Variants in PRKCB observed in about 807,000 individuals in gnomAD.
PRKCB encodes the protein protein kinase C beta type.
Under a neutral mutation model 81.5 loss-of-function variants are expected in PRKCB, and 13 were observed. That is an observed-to-expected ratio of 0.16 (90% CI 0.10 to 0.25). The LOEUF is 0.25. Ranked by LOEUF, PRKCB falls within the 10% of genes least tolerant of loss-of-function variation. The probability of loss-of-function intolerance (pLI) is 1.00; values close to 1 mark genes in which losing one functional copy is unlikely to be tolerated. For missense variants in PRKCB, 509 were observed against 875.7 expected (o/e 0.58, Z 5.29); for synonymous variants, 335 against 321.4 (o/e 1.04, Z -0.45).
rs528323686 is a variant in PRKCB at position 23,914,571 on chromosome 16, A to T, written c.206-73937A>T. ...CCCCTTGGTTGGGTGATCTTGGGCAAATTAATTAATGTCTCTATGCCTCAT... is the reference window on the plus strand; with the variant it reads ...CCCCTTGGTTGGGTGATCTTGGGCATATTAATTAATGTCTCTATGCCTCAT... On this transcript the variant is annotated intron_variant, in intron 2 of 16. Coordinates refer to ENST00000643927, the MANE Select transcript of PRKCB (RefSeq NM_002738.7). Among the ~76,000 whole-genome samples the T allele has an allele frequency of 5.9e-5, 9 of 152,230 alleles. No homozygotes were observed. In the South Asian group the frequency reaches 1.9e-3, roughly 32 times the overall value.
chr16:24,219,195 C>T lies in PRKCB; in HGVS notation c.*4379C>T. 1 of 985,186 alleles carries T rather than the reference C, an allele frequency of 1.0e-6. No homozygotes were observed. Among genetic ancestry groups the T allele is most frequent in the Non-Finnish European group, 1.2e-6 (1 of 829,910 alleles). The allele number at this position is 985,186 out of a possible 1,614,324, so 61.0% of individuals were successfully genotyped here. A position where few individuals can be genotyped will look rare whatever the true frequency, so the allele number is the denominator to read the frequency against. On this transcript the variant is annotated 3_prime_UTR_variant, in exon 17 of 17. Coordinates refer to ENST00000643927, the MANE Select transcript of PRKCB (RefSeq NM_002738.7). ...ATTTCTTCTCCACCTCCCTACTGAACAAAAAAAGAAATGCCAGACTTACTA... is the reference window on the plus strand; with the variant it reads ...ATTTCTTCTCCACCTCCCTACTGAATAAAAAAAGAAATGCCAGACTTACTA...
At chr16:24,198,655 C>T (rs568191696) in intron 16 of PRKCB, among the ~76,000 whole-genome samples, 6 of 152,262 alleles carry the variant, frequency 3.9e-5, no homozygotes, top group South Asian at 2.1e-4. Context: ...GAGTCTTAAG[C>T]GCTAAAGTGT....
chr16:24,049,257 C>CCACTAA (rs1965808819), intron 5 of PRKCB, among the ~76,000 whole-genome samples: 1 of 126,498 alleles, frequency 7.9e-6, no homozygotes, highest in African/African-American at 3.3e-5. Flanking sequence ...TTTACCACTA[C>CCACTAA]CCTGGCACAT....
intron 5 of PRKCB, among the ~76,000 whole-genome samples, chr16:24,057,048 G>A (rs572658048): frequency 1.1e-3 from 173 of 152,250 alleles, no homozygotes; most frequent in African/African-American, 4.1e-3. Context: ...GTTGTGGTGG[G>A]TGTCTATGAT....
chr16:23,910,810 G>A (rs1963640042), intron 2 of PRKCB, among the ~76,000 whole-genome samples: 1 of 152,060 alleles, frequency 6.6e-6, no homozygotes, highest in Admixed American at 6.6e-5. Flanking sequence ...AACCCCATTA[G>A]CAGTCGCTCT....
At chr16:24,104,717 G>A (rs1966552969) in intron 7 of PRKCB, among the ~76,000 whole-genome samples, 2 of 152,178 alleles carry the variant, frequency 1.3e-5, no homozygotes, top group Non-Finnish European at 2.9e-5. Context: ...AGGACGGCAA[G>A]CTCAAAGGCC....
In PRKCB at chr16:24,113,001, G is replaced by T; in HGVS notation, c.850G>T (p.Glu284Ter). The change falls in exon 8 of 17, where the codon GAG (glutamate) becomes TAG (stop). Residue 284 changes from glutamate (E) to a stop codon, truncating the protein, a stop_gained. Coordinates refer to ENST00000643927, the MANE Select transcript of PRKCB (RefSeq NM_002738.7). LOFTEE classifies it high-confidence loss of function. ...TAAGTTACTGAGCCAGGAGGAAGGC[G>T]AGTACTTCAATGTGCCTGTGCCACC... ...WFKLLSQEEG[E>*]YFNVPVPPEG... 1 of 1,612,630 alleles carries T rather than the reference G, an allele frequency of 6.2e-7. No individual in the cohort carries two copies. Among genetic ancestry groups the T allele is most frequent in the Non-Finnish European group, 8.5e-7 (1 of 1,179,134 alleles).
Position 23,896,824 on chromosome 16 carries a change from T to C in PRKCB, c.205+59418T>C, listed in dbSNP as rs564546520. 4.6e-5 allele frequency among the ~76,000 whole-genome samples: 7 copies of C among 152,324 alleles called. No individual in the cohort carries two copies. The South Asian group carries it at 8.3e-4, about 18-fold the overall frequency. On this transcript the variant is annotated intron_variant, in intron 2 of 16. Transcript: ENST00000643927. Reference sequence around the variant, plus strand: ...TTAATCTCTTATAGGCAAAACCAAATGAAGGATTGGAAAATGCCTCTGAAG... The same window carrying C: ...TTAATCTCTTATAGGCAAAACCAAACGAAGGATTGGAAAATGCCTCTGAAG...
chr16:24,108,165 T>A (rs2141913319), intron 7 of PRKCB, among the ~76,000 whole-genome samples: 1 of 141,682 alleles, frequency 7.1e-6, no homozygotes, highest in African/African-American at 2.9e-5. Flanking sequence ...TGTTTATTTT[T>A]TTTTCTTTTT....
chr16:24,212,299 G>T (rs1230357630), intron 16 of PRKCB, among the ~76,000 whole-genome samples: 1 of 150,440 alleles, frequency 6.6e-6, no homozygotes, highest in African/African-American at 2.4e-5. Context: ...GAATGAAAAA[G>T]GTCATATATT....
chr16:24,135,063 T>C (rs1966860390), intron 9 of PRKCB, among the ~76,000 whole-genome samples: 1 of 142,548 alleles, frequency 7.0e-6, no homozygotes, highest in African/African-American at 2.6e-5. Context: ...TAGGTTCACT[T>C]TTTTCCTTGT....
Position 24,191,094 on chromosome 16 carries a change from T to C in PRKCB, c.1727T>C (p.Met576Thr), listed in dbSNP as rs1280319280. The change falls in exon 16 of 17, where the codon ATG (methionine) becomes ACG (threonine). Residue 576 changes from methionine (M) to threonine (T), a missense_variant. This residue lies in a region of PRKCB where 104 missense variants were observed against 160.5 expected (regional missense o/e 0.65). Coordinates refer to ENST00000643927, the MANE Select transcript of PRKCB (RefSeq NM_002738.7). ...ATGTTTTTCTTTCTCTCGAAGCTGATGACCAAACACCCAGGCAAACGTCTG... is the reference window on the plus strand; with the variant it reads ...ATGTTTTTCTTTCTCTCGAAGCTGACGACCAAACACCCAGGCAAACGTCTG... ...KEAVAICKGL[M>T]TKHPGKRLGC... 5.0e-6 allele frequency: 8 copies of C among 1,613,380 alleles called. No homozygotes were observed. Among genetic ancestry groups the C allele is most frequent in the Admixed American group, 3.3e-5 (2 of 59,934 alleles).
intron 2 of PRKCB, among the ~76,000 whole-genome samples, chr16:23,888,299 G>C (rs1464094009): frequency 6.6e-6 from 1 of 152,214 alleles, no homozygotes; most frequent in Non-Finnish European, 1.5e-5. Flanking sequence ...GGAAGGCACA[G>C]CTTGGCTCAG....
rs1597226197 is a variant in PRKCB at position 23,882,025 on chromosome 16, C to CTTTCT, written c.205+44619_205+44620insTTTCT. Among the ~76,000 whole-genome samples, 39 of 18,346 alleles carry CTTTCT rather than the reference C, an allele frequency of 2.1e-3. 3 individuals are homozygous for CTTTCT. Among genetic ancestry groups the CTTTCT allele is most frequent in the East Asian group, 5.1e-3 (1 of 196 alleles). 12.0% of individuals were successfully genotyped at this position (18,346 alleles called of 152,430 possible). On this transcript the variant is annotated intron_variant, in intron 2 of 16. Transcript: ENST00000643927. ...TTCTTTCTTTCTTTCTTTCTTTCTT[C>CTTTCT]CTTCCTTCCTTCCTTCCTTCCTTCC...
At chr16:23,837,470 G>A in intron 2 of PRKCB, 64 bp downstream of exon 2, 2 of 1,568,288 alleles carry the variant, frequency 1.3e-6, no homozygotes, top group African/African-American at 1.4e-5. Flanking sequence ...CTTTATAGAA[G>A]AAGTTACTGA....
chr16:23,849,144 G>T (rs1244342434), intron 2 of PRKCB, among the ~76,000 whole-genome samples: 2 of 152,234 alleles, frequency 1.3e-5, no homozygotes, highest in Non-Finnish European at 2.9e-5. Flanking sequence ...GAAACCTCAG[G>T]AAGTAGAATT....
intron 2 of PRKCB, among the ~76,000 whole-genome samples, chr16:23,851,862 T>A (rs973405465): frequency 6.6e-6 from 1 of 152,194 alleles, no homozygotes; most frequent in African/African-American, 2.4e-5. Context: ...TAGTTTGTTT[T>A]CTTAATTTTC....
intron 16 of PRKCB, among the ~76,000 whole-genome samples, chr16:24,201,839 T>A (rs919585247): frequency 6.6e-6 from 1 of 151,938 alleles, no homozygotes; most frequent in South Asian, 2.1e-4. Context: ...ATCGAGACCA[T>A]CTTGGCTAAC....
At chr16:23,970,957 T>G (rs1180516569) in intron 2 of PRKCB, among the ~76,000 whole-genome samples, 1 of 152,196 alleles carries the variant, frequency 6.6e-6, no homozygotes, top group Non-Finnish European at 1.5e-5. Flanking sequence ...TTGACCAACC[T>G]CTAGAGTCCA....
Sources: allele counts gnomAD v4.1 joint callset (sites outside exome capture counted in the v4.1 genomes callset), GRCh38; gene constraint gnomAD v4.1.1; regional missense constraint gnomAD v4.1.1; transcripts MANE v1.5; gene names NCBI Gene and HGNC (gene_info 2026-07-23, HGNC 2026-07-21).